LINGO2: variants seen among roughly 807,000 people sequenced by gnomAD.
LINGO2 encodes leucine rich repeat and Ig domain containing 2, also known as leucine-rich repeat and immunoglobulin-like domain-containing nogo receptor-interacting protein 2.
In LINGO2, 14 loss-of-function variants were observed where a neutral mutation model predicts 30.6. The ratio of observed to expected loss-of-function variants is 0.46; its 90% CI spans 0.30 to 0.72. LINGO2 has a LOEUF of 0.72. Among genes scored for constraint, LINGO2 ranks in the 30% least tolerant of loss-of-function variants. The probability of loss-of-function intolerance (pLI) is 0.07; values close to 1 mark genes in which losing one functional copy is unlikely to be tolerated. For missense variants in LINGO2, 729 were observed against 751.7 expected (o/e 0.97, Z 0.35); for synonymous variants, 317 against 288.5 (o/e 1.10, Z -1.00).
At chr9:28,026,115 TTA>T (rs1386424131) in intron 4 of LINGO2, among the ~76,000 whole-genome samples, 1 of 152,204 alleles carries the variant, frequency 6.6e-6, no homozygotes, top group Non-Finnish European at 1.5e-5. Context: ...AAACTCCTGT[TTA>T]TGTTTCAGGA....
chr9:28,371,496 G>A (rs1023990234), intron 3 of LINGO2, among the ~76,000 whole-genome samples: 3 of 152,158 alleles, frequency 2.0e-5, no homozygotes, highest in African/African-American at 4.8e-5. Flanking sequence ...CTTTTATAAG[G>A]GCACTAATCC....
the LINGO2 span, among the ~76,000 whole-genome samples, chr9:29,056,256 G>A: frequency 6.6e-6 from 1 of 152,022 alleles, no homozygotes; most frequent in Non-Finnish European, 1.5e-5. Context: ...ATCCACGCCA[G>A]CATCTATTAT....
chr9:28,582,549 C>T (rs748878993), intron 1 of LINGO2, among the ~76,000 whole-genome samples: 1 of 152,074 alleles, frequency 6.6e-6, no homozygotes, highest in Non-Finnish European at 1.5e-5. Flanking sequence ...AAAGGTCTCA[C>T]TCCGGTGACC....
the LINGO2 span, among the ~76,000 whole-genome samples, chr9:28,952,747 A>G: frequency 6.6e-6 from 1 of 152,192 alleles, no homozygotes; most frequent in Non-Finnish European, 1.5e-5. Context: ...AGATGATTGT[A>G]GCTGCATGAA....
chr9:28,961,058 C>CA, the LINGO2 span, among the ~76,000 whole-genome samples: 4 of 152,032 alleles, frequency 2.6e-5, no homozygotes, highest in African/African-American at 9.7e-5. Flanking sequence ...CTGATATGCT[C>CA]ATGTAGATTT....
chr9:28,803,241 A>T, the LINGO2 span, among the ~76,000 whole-genome samples: 56,665 of 151,738 alleles, frequency 0.37, 12,541 homozygotes, highest in Middle Eastern at 0.49. Context: ...AGTTTTAAAA[A>T]ATGAAACAGA....
At chr9:28,267,051 T>C (rs1822776830) in intron 4 of LINGO2, among the ~76,000 whole-genome samples, 1 of 152,048 alleles carries the variant, frequency 6.6e-6, no homozygotes, top group African/African-American at 2.4e-5. Context: ...TCTTCTTCCA[T>C]GTTTCCAGAC....
chr9:28,795,415 T>G, the LINGO2 span, among the ~76,000 whole-genome samples: 1 of 152,136 alleles, frequency 6.6e-6, no homozygotes, highest in Non-Finnish European at 1.5e-5. Flanking sequence ...AGCGTTAGAT[T>G]CTAGTTATAA....
At chr9:28,277,769 T>A (rs1416027448) in intron 4 of LINGO2, among the ~76,000 whole-genome samples, 1 of 149,716 alleles carries the variant, frequency 6.7e-6, no homozygotes, top group Non-Finnish European at 1.5e-5. Context: ...TTAGCCTAGA[T>A]GGTGCCACGC....
chr9:28,887,034 G>A, the LINGO2 span, among the ~76,000 whole-genome samples: 2 of 152,124 alleles, frequency 1.3e-5, no homozygotes, highest in African/African-American at 4.8e-5. Flanking sequence ...ATGCAGAGCA[G>A]GGTATGAACA....
At position 28,063,915 on chromosome 9, in the gene LINGO2, T is replaced by A. The variant is rs145776314; in HGVS notation, c.-86-51510A>T. Among the ~76,000 whole-genome samples the A allele has an allele frequency of 2.0e-5, 3 of 152,266 alleles. No homozygotes were observed. The East Asian group carries it at 5.8e-4, about 29-fold the overall frequency. ...TCCCTGATTCCACATGCAGAAAGGC[T>A]TAAGTATTTGAGTTCTAGAGTGTAT... On this transcript the variant is annotated intron_variant, in intron 4 of 5. Coordinates refer to ENST00000379992, the Ensembl canonical transcript of LINGO2.
chr9:28,723,272 G>A, the LINGO2 span, among the ~76,000 whole-genome samples: 23 of 152,068 alleles, frequency 1.5e-4, no homozygotes, highest in Admixed American at 1.2e-3. Flanking sequence ...GCTGCATACT[G>A]AATTGTAATT....
At chr9:28,077,292 T>C (rs768556383) in intron 4 of LINGO2, among the ~76,000 whole-genome samples, 2 of 152,046 alleles carry the variant, frequency 1.3e-5, no homozygotes, top group African/African-American at 2.4e-5. Flanking sequence ...AGTAAAGAGA[T>C]AGAGTTTGTT....
At chr9:29,060,982 G>A in the LINGO2 span, among the ~76,000 whole-genome samples, 2 of 151,938 alleles carry the variant, frequency 1.3e-5, no homozygotes, top group Non-Finnish European at 2.9e-5. Flanking sequence ...AGAAATAATG[G>A]CTGAAAACTA....
Position 28,437,375 on chromosome 9 carries a change from CAT to C in LINGO2, c.-279+38563_-279+38564del, listed in dbSNP as rs1306910354. On this transcript the variant is annotated intron_variant, in intron 2 of 5. Transcript: ENST00000379992. Reference sequence around the variant, plus strand: ...TTCAGCATCTGACTGAGAATTATGTCATGGGCTTCCCTGGTCCTGAGGCTGTC... The same window carrying C: ...TTCAGCATCTGACTGAGAATTATGTCGGGCTTCCCTGGTCCTGAGGCTGTC... Among the ~76,000 whole-genome samples, 16 of 152,274 alleles carry C rather than the reference CAT, an allele frequency of 1.1e-4. No homozygotes were observed. In the East Asian group the frequency reaches 2.5e-3, roughly 24 times the overall value.
At chr9:28,412,991 A>G (rs894452942) in intron 2 of LINGO2, among the ~76,000 whole-genome samples, 1 of 152,108 alleles carries the variant, frequency 6.6e-6, no homozygotes, top group African/African-American at 2.4e-5. Flanking sequence ...ATTCAATTCT[A>G]CTTAATGAAT....
the LINGO2 span, among the ~76,000 whole-genome samples, chr9:28,995,542 A>G: frequency 5.9e-3 from 896 of 152,218 alleles, 8 homozygotes; most frequent in African/African-American, 0.021. Context: ...AGGACTATAA[A>G]TCATGCTGCT....
intron 1 of LINGO2, among the ~76,000 whole-genome samples, chr9:28,588,695 G>A (rs1414670591): frequency 3.3e-5 from 5 of 151,982 alleles, no homozygotes; most frequent in Non-Finnish European, 7.4e-5. Context: ...CTAGCATTTG[G>A]TGTTCTTCTC....
At chr9:28,342,739 A>C (rs1222012127) in intron 3 of LINGO2, among the ~76,000 whole-genome samples, 1 of 152,180 alleles carries the variant, frequency 6.6e-6, no homozygotes, top group Admixed American at 6.6e-5. Flanking sequence ...ATGTAGTTTA[A>C]ACATAATTTA....
Sources: gnomAD v4.1 joint callset for allele counts (sites outside exome capture counted in the v4.1 genomes callset) on GRCh38, gnomAD v4.1.1 for gene constraint, MANE v1.5 for transcripts, NCBI Gene and HGNC (gene_info 2026-07-23, HGNC 2026-07-21) for gene names.